The following MDGA2 variants were observed in gnomAD, a reference collection of about 807,000 sequenced individuals.
MDGA2 encodes MAM domain containing glycosylphosphatidylinositol anchor 2.
In MDGA2, 40 loss-of-function variants were observed where a neutral mutation model predicts 117.8. The ratio of observed to expected loss-of-function variants is 0.34; its 90% CI spans 0.26 to 0.44. MDGA2 has a LOEUF of 0.44. Among genes scored for constraint, MDGA2 ranks in the 20% least tolerant of loss-of-function variants. The pLI is 1.00. For missense variants in MDGA2, 1,123 were observed against 1,250.6 expected, an observed-to-expected ratio of 0.90 and a Z score of 1.54; for synonymous variants, 452 against 439.0, an observed-to-expected ratio of 1.03 and a Z score of -0.37.
intron 2 of MDGA2, among the ~76,000 whole-genome samples, chr14:47,275,051 G>T (rs977018916): frequency 4.4e-4 from 67 of 152,136 alleles, no homozygotes; most frequent in African/African-American, 1.5e-3. Flanking sequence ...TGCAGCACAA[G>T]CGTTTCTAAT....
chr14:47,640,477 T>C (rs1416011779), intron 1 of MDGA2, among the ~76,000 whole-genome samples: 2 of 152,170 alleles, frequency 1.3e-5, no homozygotes, highest in Non-Finnish European at 2.9e-5. Flanking sequence ...TGGCTTTTAA[T>C]GGTAAAATCA....
chr14:47,266,329 C>T (rs575295456), intron 2 of MDGA2, among the ~76,000 whole-genome samples: 2 of 152,226 alleles, frequency 1.3e-5, no homozygotes, highest in African/African-American at 4.8e-5. Context: ...TACATATATT[C>T]AATCACTAAA....
At chr14:46,978,885 T>C (rs1342091103) in intron 8 of MDGA2, among the ~76,000 whole-genome samples, 4 of 152,166 alleles carry the variant, frequency 2.6e-5, no homozygotes, top group Admixed American at 2.6e-4. Context: ...TTTCAATATA[T>C]AGATGAATTG....
chr14:47,157,137 G>A (rs1298450690), intron 3 of MDGA2, among the ~76,000 whole-genome samples: 1 of 152,186 alleles, frequency 6.6e-6, no homozygotes, highest in East Asian at 1.9e-4. Context: ...GGGAAATTTT[G>A]TTCAAATATT....
chr14:47,632,888 G>A (rs189619257), intron 1 of MDGA2, among the ~76,000 whole-genome samples: 351 of 151,648 alleles, frequency 2.3e-3, no homozygotes, highest in Non-Finnish European at 2.5e-3. Context: ...TGTTTGAACT[G>A]GGACTCTATC....
chr14:46,918,817 A>G (rs1884006559), intron 10 of MDGA2, among the ~76,000 whole-genome samples: 1 of 142,098 alleles, frequency 7.0e-6, no homozygotes, highest in Non-Finnish European at 1.5e-5. Flanking sequence ...GCTGGAGTGC[A>G]GTGGCGCGAC....
rs56853118 is a variant in MDGA2 at position 47,651,213 on chromosome 14, G to GGTGTGTGTGTGTGT, written c.280+23290_280+23303dup. On this transcript the variant is annotated intron_variant, in intron 1 of 16. Transcript: ENST00000399232. ...GGAGATTCTGTGTGTGTGTGCATGTGGTGTGTGTGTGTGTGTGTGTGTGTG... is the reference window on the plus strand; with the variant it reads ...GGAGATTCTGTGTGTGTGTGCATGTGGTGTGTGTGTGTGTGTGTGTGTGTGTGTGTGTGTGTGTG... Among the ~76,000 whole-genome samples the GGTGTGTGTGTGTGT allele has an allele frequency of 5.5e-5, 8 of 146,520 alleles. No individual in the cohort carries two copies. In the South Asian group the frequency reaches 8.9e-4, roughly 16 times the overall value.
chr14:47,581,513 A>C (rs1896227298), intron 1 of MDGA2, among the ~76,000 whole-genome samples: 1 of 151,990 alleles, frequency 6.6e-6, no homozygotes, highest in Non-Finnish European at 1.5e-5. Flanking sequence ...GAACATAGAA[A>C]GTTCTACCGT....
At chr14:47,246,755 G>A (rs953550905) in intron 2 of MDGA2, among the ~76,000 whole-genome samples, 1 of 148,758 alleles carries the variant, frequency 6.7e-6, no homozygotes, top group Admixed American at 6.8e-5. Context: ...AAGAAGAAAG[G>A]TTAACAGGAA....
At chr14:46,872,878 C>T (rs891453004) in intron 14 of MDGA2, among the ~76,000 whole-genome samples, 1 of 151,802 alleles carries the variant, frequency 6.6e-6, no homozygotes, top group African/African-American at 2.4e-5. Context: ...TGATCTTATC[C>T]TCTATTACTG....
intron 8 of MDGA2, among the ~76,000 whole-genome samples, chr14:46,965,169 C>A (rs1277739610): frequency 8.3e-6 from 1 of 120,206 alleles, no homozygotes; most frequent in East Asian, 2.5e-4. Context: ...GTGATCCGCC[C>A]GCCTCGGCCT....
intron 10 of MDGA2, among the ~76,000 whole-genome samples, chr14:46,912,034 G>T (rs919734397): frequency 6.6e-6 from 1 of 151,974 alleles, no homozygotes; most frequent in African/African-American, 2.4e-5. Flanking sequence ...TCACCTCATG[G>T]GCTCATGTTT....
chr14:47,050,329 A>G (rs569332284), intron 7 of MDGA2, among the ~76,000 whole-genome samples: 43 of 152,160 alleles, frequency 2.8e-4, no homozygotes, highest in African/African-American at 9.4e-4. Flanking sequence ...TGAAATACCA[A>G]CTGTAAAGTG....
chr14:47,212,257 A>C (rs1885912212), intron 3 of MDGA2, among the ~76,000 whole-genome samples: 1 of 152,142 alleles, frequency 6.6e-6, no homozygotes, highest in African/African-American at 2.4e-5. Context: ...TCGAATATAA[A>C]GGAATGCCAA....
At chr14:47,140,416 C>T (rs1030696772) in intron 4 of MDGA2, among the ~76,000 whole-genome samples, 1 of 151,864 alleles carries the variant, frequency 6.6e-6, no homozygotes, top group Admixed American at 6.6e-5. Context: ...ATCATACTAT[C>T]TGACTTCAAA....
intron 1 of MDGA2, among the ~76,000 whole-genome samples, chr14:47,508,383 G>GTA (rs151191240): frequency 0.13 from 9,201 of 71,068 alleles, 381 homozygotes; most frequent in Admixed American, 0.21. Flanking sequence ...CTCTCTCTCT[G>GTA]TATATATATA....
chr14:47,234,795 A>G (rs1399388525), intron 2 of MDGA2, among the ~76,000 whole-genome samples: 1 of 152,162 alleles, frequency 6.6e-6, no homozygotes, highest in Non-Finnish European at 1.5e-5. Context: ...AGCAGATGCT[A>G]GAGTTCATAG....
At chr14:46,897,541 C>T (rs1040914139) in intron 10 of MDGA2, among the ~76,000 whole-genome samples, 11 of 152,154 alleles carry the variant, frequency 7.2e-5, no homozygotes, top group South Asian at 2.1e-4. Flanking sequence ...ACAAATTAGA[C>T]GGAGTCTTTG....
chr14:46,907,884 T>C (rs1353548459), intron 10 of MDGA2, among the ~76,000 whole-genome samples: 1 of 152,196 alleles, frequency 6.6e-6, no homozygotes, highest in Non-Finnish European at 1.5e-5. Flanking sequence ...TAGGAATTTT[T>C]CCTGAGTACG....
Sources: gnomAD v4.1 joint callset for allele counts (sites outside exome capture counted in the v4.1 genomes callset) on GRCh38, gnomAD v4.1.1 for gene constraint, MANE v1.5 for transcripts, NCBI Gene and HGNC (gene_info 2026-07-23, HGNC 2026-07-21) for gene names.